The following PTPN13 variants were observed in gnomAD, a reference collection of about 807,000 sequenced individuals.
PTPN13 encodes the protein protein tyrosine phosphatase non-receptor type 13.
Under a neutral mutation model 284.0 loss-of-function variants are expected in PTPN13, and 191 were observed. That is an observed-to-expected ratio of 0.67 (90% CI 0.60 to 0.76). The LOEUF is 0.76. Among genes scored for constraint, PTPN13 ranks in the 30% least tolerant of loss-of-function variants. PTPN13 has a pLI of 0.00. For synonymous variants in PTPN13, 986 were observed against 1,022.3 expected (o/e 0.96, Z 0.68); for missense variants, 2,797 against 2,939.9 (o/e 0.95, Z 1.12).
At chr4:86,795,206 A>G (rs112813009) in intron 40 of PTPN13, among the ~76,000 whole-genome samples, 5,881 of 152,302 alleles carry the variant, frequency 0.039, 376 homozygotes, top group African/African-American at 0.13. Flanking sequence ...GAAAAAAGCA[A>G]TTCCATCAAA....
In PTPN13 at chr4:86,766,446, G is replaced by C; in HGVS notation, c.4258G>C (p.Ala1420Pro). The change falls in exon 27 of 48, where the codon GCT becomes CCT. Residue 1420 changes from alanine (A) to proline (P), a missense_variant. Ala to Pro is a conservative substitution (Grantham distance 27, BLOSUM62 -1). Transcript: ENST00000411767. ...CTAATTTTTAGGTGATCGCGTCCTA[G>C]CTGTCAATGGAGTTAGTCTAGAAGG... ...GRIHKGDRVL[A>P]VNGVSLEGAT... The C allele has an allele frequency of 6.2e-7, 1 of 1,607,850 alleles. No homozygotes were observed. Among genetic ancestry groups the C allele is most frequent in the Middle Eastern group, 1.7e-4 (1 of 6,040 alleles).
rs182977699 is a variant in PTPN13, at chr4:86,678,419, C to A, written c.294+5876C>A. On this transcript the variant is annotated intron_variant, in intron 3 of 47. Coordinates refer to ENST00000411767, the MANE Select transcript of PTPN13 (RefSeq NM_080683.3). ...CAAAAAAAATGTGTCTTCGTATATT[C>A]TTCTGGATAGAGGGATCATAGCTTT... Among the ~76,000 whole-genome samples the A allele has an allele frequency of 1.5e-3, 231 of 152,286 alleles. 1 individual carries two copies. The highest frequency in any genetic ancestry group is 5.4e-3 in the African/African-American group (226 of 41,552).
rs533381752 is a variant in PTPN13 at position 86,601,751 on chromosome 4, G to A, written c.-6+6962G>A. Among the ~76,000 whole-genome samples the A allele has an allele frequency of 2.6e-4, 40 of 152,200 alleles. No individual in the cohort carries two copies. The East Asian group carries it at 3.3e-3, about 12-fold the overall frequency. Reference sequence around the variant, plus strand: ...AAATGAATACTGCTGTTCTTCCACCGCGGGGATACTTAAGAATCACTGTCT... The same window carrying A: ...AAATGAATACTGCTGTTCTTCCACCACGGGGATACTTAAGAATCACTGTCT... On this transcript the variant is annotated intron_variant, in intron 1 of 47. Transcript: ENST00000411767.
intron 4 of PTPN13, among the ~76,000 whole-genome samples, chr4:86,687,978 G>A (rs1729620846): frequency 6.6e-6 from 1 of 152,086 alleles, no homozygotes; most frequent in Admixed American, 6.6e-5. Flanking sequence ...TTAGACACTA[G>A]GACTATAGTG....
intron 39 of PTPN13, 59 bp from the exon 40 acceptor site, chr4:86,785,789 C>CT (rs1210071287): frequency 9.0e-7 from 1 of 1,116,242 alleles, no homozygotes; most frequent in Admixed American, 2.7e-5. Flanking sequence ...CAAATGAAAA[C>CT]TTTTCTACTT....
intron 1 of PTPN13, among the ~76,000 whole-genome samples, chr4:86,632,736 G>A (rs1424070576): frequency 3.3e-5 from 5 of 151,200 alleles, no homozygotes. Context: ...TACTTCAGGT[G>A]GAACTCTGGG....
chr4:86,661,276 A>G (rs1726456661), intron 2 of PTPN13: 1 of 237,024 alleles, frequency 4.2e-6, no homozygotes, highest in Non-Finnish European at 8.6e-6. Flanking sequence ...TTTACTCAAC[A>G]TTCTGTGAGA....
rs993671799 is a variant in PTPN13 at position 86,758,947 on chromosome 4, C to G, written c.3427C>G (p.Arg1143Gly). ...DLDGCLKPGD[R>G]LISVNSVSLE... ...TGGATTGTCTATTTGTACAGGAGACCGTTTGATATCTGTGAATAGTGTGAG... is the reference window on the plus strand; with the variant it reads ...TGGATTGTCTATTTGTACAGGAGACGGTTTGATATCTGTGAATAGTGTGAG... Residue 1143 changes from arginine (R) to glycine (G), a missense_variant, in exon 23 of 48, where the codon CGT (arginine) becomes GGT (glycine). Coordinates refer to ENST00000411767, the MANE Select transcript of PTPN13 (RefSeq NM_080683.3). 5.0e-6 allele frequency: 8 copies of G among 1,612,178 alleles called. No individual in the cohort carries two copies. The highest frequency in any genetic ancestry group is 6.8e-6 in the Non-Finnish European group (8 of 1,179,380).
intron 2 of PTPN13, among the ~76,000 whole-genome samples, chr4:86,645,277 A>G (rs1724288396): frequency 6.6e-6 from 1 of 152,214 alleles, no homozygotes; most frequent in Non-Finnish European, 1.5e-5. Context: ...TCTACACATC[A>G]TACTTACTGG....
rs372513036 is a variant in PTPN13 at position 86,771,145 on chromosome 4, A to G, written c.4804-26A>G. ...TTCTAAAATTCATAGAATGGTCACA[A>G]ATCTCTTTAAATGTGTCCATTACAG... On this transcript the variant is annotated intron_variant, in intron 30 of 47. Coordinates refer to ENST00000411767, the MANE Select transcript of PTPN13 (RefSeq NM_080683.3). The G allele has an allele frequency of 2.1e-5, 32 of 1,539,926 alleles. No homozygotes were observed. The African/African-American group carries it at 3.4e-4, about 17-fold the overall frequency.
At chr4:86,734,485 CT>C in intron 13 of PTPN13, 29 bp downstream of exon 13, 1 of 1,494,108 alleles carries the variant, frequency 6.7e-7, no homozygotes, top group Non-Finnish European at 9.0e-7. Flanking sequence ...CTCTTTTGCT[CT>C]TTTTGGACAC....
intron 15 of PTPN13, among the ~76,000 whole-genome samples, chr4:86,738,797 C>T (rs1023193033): frequency 6.6e-6 from 1 of 152,128 alleles, no homozygotes; most frequent in Non-Finnish European, 1.5e-5. Flanking sequence ...GCTTCTTCCT[C>T]AGCCTCCTGA....
rs772864031 is a variant in PTPN13 at position 86,775,660 on chromosome 4, G to C, written c.5891+8G>C. 1 of 1,600,906 alleles carries C rather than the reference G, an allele frequency of 6.2e-7. No individual in the cohort carries two copies. The highest frequency in any genetic ancestry group is 8.5e-7 in the Non-Finnish European group (1 of 1,172,130). On this transcript the variant is annotated splice_region_variant and intron_variant, in intron 35 of 47. Transcript: ENST00000411767. ...GGTATTGAAAGCAACAAGGTACTCT[G>C]CAATTATTTATGAGTTTTGATTGTG...
At chr4:86,718,681 C>T (rs75962839) in intron 9 of PTPN13, among the ~76,000 whole-genome samples, 22,425 of 152,064 alleles carry the variant, frequency 0.15, 2,079 homozygotes, top group East Asian at 0.27. Flanking sequence ...GAACTCCTGA[C>T]GTCAAGTTAT....
intron 7 of PTPN13, among the ~76,000 whole-genome samples, chr4:86,705,097 A>T (rs1731587444): frequency 6.6e-6 from 1 of 152,126 alleles, no homozygotes; most frequent in Non-Finnish European, 1.5e-5. Flanking sequence ...GCACTTTGGG[A>T]GGCCAGGGCG....
At chr4:86,782,300 T>A (rs1362106076) in intron 37 of PTPN13, 38 bp downstream of exon 37, 1 of 1,502,144 alleles carries the variant, frequency 6.7e-7, no homozygotes, top group East Asian at 2.3e-5. Flanking sequence ...TCATACCTCC[T>A]TATCTGAGGA....
intron 37 of PTPN13, among the ~76,000 whole-genome samples, chr4:86,784,137 G>A (rs909453442): frequency 6.6e-6 from 1 of 152,196 alleles, no homozygotes; most frequent in East Asian, 1.9e-4. Context: ...GATGTCTACA[G>A]TCAGATATTT....
At position 86,753,047 on chromosome 4, in the gene PTPN13, G is replaced by A. The variant is rs2149215099; in HGVS notation, c.3205G>A (p.Val1069Ile). The A allele has an allele frequency of 6.2e-7, 1 of 1,607,590 alleles. No homozygotes were observed. Among genetic ancestry groups the A allele is most frequent in the East Asian group, 2.2e-5 (1 of 44,614 alleles). Residue 1069 changes from valine to isoleucine, a missense_variant, in exon 20 of 48, where the codon GTA (valine) becomes ATA (isoleucine). By Grantham distance (29) the Val-to-Ile change is conservative (BLOSUM62 3). Transcript: ENST00000411767. Reference protein sequence around the residue: ...MHSSGNSSSQVPLKENDVLHK... With the variant: ...MHSSGNSSSQIPLKENDVLHK... ...TAGTTCTGGAAACTCTTCATCCCAA[G>A]TACCCTTAAAAGAAAATGGTAGGTT...
At chr4:86,680,194 G>A (rs1447720564) in intron 3 of PTPN13, among the ~76,000 whole-genome samples, 1 of 152,160 alleles carries the variant, frequency 6.6e-6, no homozygotes, top group Non-Finnish European at 1.5e-5. Flanking sequence ...TAGGGATAGA[G>A]TGGTAAACGG....
Sources: allele counts gnomAD v4.1 joint callset (sites outside exome capture counted in the v4.1 genomes callset), GRCh38; gene constraint gnomAD v4.1.1; transcripts MANE v1.5; gene names NCBI Gene and HGNC (gene_info 2026-07-23, HGNC 2026-07-21).